IQCM: variants seen among roughly 807,000 people sequenced by gnomAD.
The protein encoded by IQCM is IQ motif containing M, also known as IQ domain-containing protein M.
Under a neutral mutation model 57.6 loss-of-function variants are expected in IQCM, and 45 were observed. That is an observed-to-expected ratio of 0.78 (90% CI 0.62 to 1.00). The LOEUF (loss-of-function observed/expected upper bound fraction) is 1.00. Among genes scored for constraint, IQCM ranks in the 50% least tolerant of loss-of-function variants. IQCM has a pLI of 0.00. For synonymous variants in IQCM, 148 were observed against 158.9 expected (o/e 0.93, Z 0.51); for missense variants, 468 against 511.6 (o/e 0.91, Z 0.82).
chr4:149,488,036 C>G (rs1438221221), intron 12 of IQCM, among the ~76,000 whole-genome samples: 1 of 151,716 alleles, frequency 6.6e-6, no homozygotes, highest in African/African-American at 2.4e-5. Flanking sequence ...CTTGCTCTGC[C>G]CATTTTCATC....
intron 13 of IQCM, among the ~76,000 whole-genome samples, chr4:149,432,587 T>C (rs542651418): frequency 2.6e-5 from 4 of 152,072 alleles, no homozygotes; most frequent in South Asian, 4.1e-4. Context: ...CCAACACTTA[T>C]TGGATATGGC....
At chr4:149,512,095 TC>T (rs1179296122) in intron 12 of IQCM, among the ~76,000 whole-genome samples, 1 of 152,172 alleles carries the variant, frequency 6.6e-6, no homozygotes, top group Non-Finnish European at 1.5e-5. Flanking sequence ...TTAAGTCCAT[TC>T]CAAAAAGTTG....
At chr4:149,390,196 A>T (rs1464120994) in intron 13 of IQCM, among the ~76,000 whole-genome samples, 10 of 152,024 alleles carry the variant, frequency 6.6e-5, no homozygotes, top group Non-Finnish European at 1.5e-4. Flanking sequence ...TTATTCTTTT[A>T]AAAACATTCA....
intron 10 of IQCM, among the ~76,000 whole-genome samples, chr4:149,554,420 G>A (rs1221974297): frequency 2.0e-5 from 3 of 151,712 alleles, no homozygotes; most frequent in Admixed American, 6.6e-5. Flanking sequence ...GAGTTCAAGC[G>A]ATTCTCATGT....
intron 13 of IQCM, among the ~76,000 whole-genome samples, chr4:149,431,600 C>T (rs1380355021): frequency 6.6e-6 from 1 of 151,840 alleles, no homozygotes; most frequent in Non-Finnish European, 1.5e-5. Flanking sequence ...AGAATGGTTC[C>T]ATCACCCTAA....
intron 2 of IQCM, among the ~76,000 whole-genome samples, chr4:149,744,479 C>G (rs1767741686): frequency 6.6e-6 from 1 of 152,066 alleles, no homozygotes; most frequent in African/African-American, 2.4e-5. Context: ...ATTCAGTGTG[C>G]CAGGAGTGTC....
intron 13 of IQCM, among the ~76,000 whole-genome samples, chr4:149,397,371 T>A (rs1158476748): frequency 6.6e-6 from 1 of 151,936 alleles, no homozygotes; most frequent in African/African-American, 2.4e-5. Context: ...CCAAATCGAA[T>A]CTCGAATTGT....
intron 12 of IQCM, chr4:149,514,544 TCA>T (rs1329015103): frequency 6.6e-6 from 1 of 152,236 alleles, no homozygotes; most frequent in Non-Finnish European, 1.5e-5. Flanking sequence ...GTTTATCATA[TCA>T]ATGATAAACA....
At chr4:149,632,433 T>A (rs1757344286) in intron 7 of IQCM, among the ~76,000 whole-genome samples, 1 of 152,212 alleles carries the variant, frequency 6.6e-6, no homozygotes, top group African/African-American at 2.4e-5. Flanking sequence ...GCTAGCCTTT[T>A]TAGGAAACAA....
At chr4:149,801,596 G>T (rs1580334723) in intron 2 of IQCM, among the ~76,000 whole-genome samples, 1 of 151,952 alleles carries the variant, frequency 6.6e-6, no homozygotes, top group South Asian at 2.1e-4. Flanking sequence ...CAACAACGTG[G>T]ATGCAGCTGG....
At chr4:149,726,855 C>T (rs997256124) in intron 5 of IQCM, among the ~76,000 whole-genome samples, 2 of 151,810 alleles carry the variant, frequency 1.3e-5, no homozygotes, top group South Asian at 2.1e-4. Context: ...GGTGCAATCT[C>T]GGCTCACTGC....
chr4:149,517,317 A>C (rs1281812751), intron 12 of IQCM, among the ~76,000 whole-genome samples: 1 of 152,178 alleles, frequency 6.6e-6, no homozygotes, highest in African/African-American at 2.4e-5. Flanking sequence ...ACTTGTACTA[A>C]GAAAATATCT....
intron 7 of IQCM, among the ~76,000 whole-genome samples, chr4:149,669,296 T>C (rs1761035360): frequency 6.6e-6 from 1 of 152,208 alleles, no homozygotes; most frequent in African/African-American, 2.4e-5. Context: ...AAGTGTCTAT[T>C]CATATCCTTT....
At chr4:149,728,047 A>G (rs1482276219) in intron 5 of IQCM, among the ~76,000 whole-genome samples, 3 of 152,190 alleles carry the variant, frequency 2.0e-5, no homozygotes, top group Non-Finnish European at 4.4e-5. Context: ...CACCAGAGCC[A>G]GTTGTTAAAC....
At chr4:149,636,942 G>A (rs1196365134) in intron 7 of IQCM, among the ~76,000 whole-genome samples, 1 of 151,298 alleles carries the variant, frequency 6.6e-6, no homozygotes, top group Admixed American at 6.6e-5. Flanking sequence ...AGGAGATCGA[G>A]ACCATCCTGG....
At chr4:149,633,321 A>C (rs1757455076) in intron 7 of IQCM, among the ~76,000 whole-genome samples, 1 of 152,164 alleles carries the variant, frequency 6.6e-6, no homozygotes, top group African/African-American at 2.4e-5. Context: ...TATCCTTTTC[A>C]GTCCTTTCAT....
intron 8 of IQCM, among the ~76,000 whole-genome samples, chr4:149,608,068 G>A (rs1444082084): frequency 1.3e-5 from 2 of 151,684 alleles, no homozygotes; most frequent in East Asian, 3.9e-4. Context: ...TAAAATAAAG[G>A]AATGGAAAAA....
intron 13 of IQCM, among the ~76,000 whole-genome samples, chr4:149,377,765 G>A (rs552732077): frequency 1.9e-4 from 29 of 152,192 alleles, no homozygotes; most frequent in Non-Finnish European, 2.8e-4. Flanking sequence ...AGAGACATGC[G>A]GGTAGCTTGA....
chr4:149,510,582 T>A (rs1169717383), intron 12 of IQCM, among the ~76,000 whole-genome samples: 1 of 152,176 alleles, frequency 6.6e-6, no homozygotes, highest in African/African-American at 2.4e-5. Flanking sequence ...CTAATAAATA[T>A]CAGTATTGAT....
Sources: allele counts gnomAD v4.1 joint callset (sites outside exome capture counted in the v4.1 genomes callset), GRCh38; gene constraint gnomAD v4.1.1; transcripts MANE v1.5; gene names NCBI Gene and HGNC (gene_info 2026-07-23, HGNC 2026-07-21).